The following RSL1D1 variants were observed in gnomAD, a reference collection of about 807,000 sequenced individuals.
RSL1D1 encodes the protein ribosomal L1 domain containing 1.
In RSL1D1, 34 loss-of-function variants were observed where a neutral mutation model predicts 44.6. The observed-to-expected ratio is 0.76, with a 90% confidence interval of 0.58 to 1.02. The LOEUF (loss-of-function observed/expected upper bound fraction) is 1.02, where lower values mean the gene tolerates loss of function less well. Among genes scored for constraint, RSL1D1 ranks in the 50% least tolerant of loss-of-function variants. The probability of loss-of-function intolerance (pLI) is 0.00; values close to 1 mark genes in which losing one functional copy is unlikely to be tolerated. For synonymous variants in RSL1D1, 271 were observed against 207.4 expected (o/e 1.31, Z -2.63); for missense variants, 767 against 568.1 (o/e 1.35, Z -3.56).
chr16:11,846,400 A>C (rs1229629194), intron 5 of RSL1D1, 101 bp downstream of exon 5: 15 of 713,328 alleles, frequency 2.1e-5, no homozygotes, highest in East Asian at 8.4e-5. Flanking sequence ...ATCTCAAAAA[A>C]AAAAAACAAA....
chr16:11,840,005 A>G lies in RSL1D1; in HGVS notation c.856-20T>C. ...TGCCTCCTACCAAAAAACACCATAC[A>G]AACATTTTAGCAGGAACAGTTCTGT... On this transcript the variant is annotated intron_variant, in intron 7 of 8. Transcript: ENST00000571133. 1 of 1,607,400 alleles carries G rather than the reference A, an allele frequency of 6.2e-7. No homozygotes were observed. Among genetic ancestry groups the G allele is most frequent in the Non-Finnish European group, 8.5e-7 (1 of 1,177,704 alleles).
rs2053701594 is a variant in RSL1D1 at position 11,834,104 on chromosome 16, G to C, written c.*3683C>G. The C allele has an allele frequency of 1.3e-5, 2 of 152,208 alleles. No homozygotes were observed. The highest frequency in any genetic ancestry group is 4.2e-4 in the South Asian group (2 of 4,802). The allele number at this position is 152,208 out of a possible 1,614,324, so 9.4% of individuals were successfully genotyped here. On this transcript the variant is annotated 3_prime_UTR_variant, in exon 9 of 9. Transcript: ENST00000571133. ...TTCGCCCTCCTCTTGGCCCCCGGGG[G>C]AGACTACTGTTGGCTCCTAGCACTA... is the stretch of plus-strand genomic sequence containing the variant.
chr16:11,834,161 C>G lies in RSL1D1; in HGVS notation c.*3626G>C, dbSNP rs996307107. On this transcript the variant is annotated 3_prime_UTR_variant, in exon 9 of 9. Coordinates refer to ENST00000571133, the MANE Select transcript of RSL1D1 (RefSeq NM_015659.3). The stretch of plus-strand genomic sequence containing the variant: ...GGCTAGGAATGTGTATGCAACACTT[C>G]TGAAGCCTTGGAAACATAGTACAGA... The G allele has an allele frequency of 6.6e-6, 1 of 152,116 alleles. No individual in the cohort carries two copies. The highest frequency in any genetic ancestry group is 2.1e-4 in the South Asian group (1 of 4,830). 9.4% of individuals were successfully genotyped at this position (152,116 alleles called of 1,614,324 possible).
chr16:11,844,048 A>G (rs571374895), intron 5 of RSL1D1, among the ~76,000 whole-genome samples: 1 of 152,238 alleles, frequency 6.6e-6, no homozygotes, highest in South Asian at 2.1e-4. Flanking sequence ...AGGAAGGCTC[A>G]CTGTCGGCAC....
Position 11,847,684 on chromosome 16 carries a change from AT to A in RSL1D1, c.367del (p.Ile123LeufsTer13). On this transcript the variant is annotated frameshift_variant, in exon 3 of 9. Transcript: ENST00000571133. LOFTEE classifies it high-confidence loss of function. Reference protein sequence around the residue: ...FYRKLLNKHGIKTVSQIISLQ... With the variant: ...FYRKLLNKHGXKTVSQIISLQ... ...GCTTCCTACCTGAGAAACGGTTTTAATTCCATGCTTGTTTAAAAGCTTTCTA... is the reference window on the plus strand; with the variant it reads ...GCTTCCTACCTGAGAAACGGTTTTAATCCATGCTTGTTTAAAAGCTTTCTA... 1 of 1,611,202 alleles carries A rather than the reference AT, an allele frequency of 6.2e-7. No homozygotes were observed.
intron 8 of RSL1D1, among the ~76,000 whole-genome samples, chr16:11,838,656 AGAG>A (rs2053739335): frequency 6.6e-6 from 1 of 151,628 alleles, no homozygotes; most frequent in Non-Finnish European, 1.5e-5. Context: ...CAGGAGTTCA[AGAG>A]TAGCCTGGCC....
Position 11,835,814 on chromosome 16 carries a change from G to A in RSL1D1, c.*1973C>T, listed in dbSNP as rs1469075516. The A allele has an allele frequency of 6.6e-6, 1 of 152,274 alleles. No homozygotes were observed. Among genetic ancestry groups the A allele is most frequent in the East Asian group, 1.9e-4 (1 of 5,204 alleles). 9.4% of individuals were successfully genotyped at this position (152,274 alleles called of 1,614,324 possible). On this transcript the variant is annotated 3_prime_UTR_variant, in exon 9 of 9. Coordinates refer to ENST00000571133, the MANE Select transcript of RSL1D1 (RefSeq NM_015659.3). ...GGCAGGGCTTGCATTCTGACATAATGTAAAAGAGTCTTGGAATATGTCCAG... is the reference window on the plus strand; with the variant it reads ...GGCAGGGCTTGCATTCTGACATAATATAAAAGAGTCTTGGAATATGTCCAG...
rs1304524325 is a variant in RSL1D1, at chr16:11,835,872, GA to G, written c.*1914del. 2 of 152,182 alleles carry G rather than the reference GA, an allele frequency of 1.3e-5. No individual in the cohort carries two copies. Among genetic ancestry groups the G allele is most frequent in the Admixed American group, 1.3e-4 (2 of 15,246 alleles). 9.4% of individuals were successfully genotyped at this position (152,182 alleles called of 1,614,324 possible). The stretch of plus-strand genomic sequence containing the variant: ...GGTCTAAAACCCCTTGTGGTCTTTG[GA>G]ACACCAAGCTCTGTGCTAAAGGGTG... On this transcript the variant is annotated 3_prime_UTR_variant, in exon 9 of 9. Transcript: ENST00000571133.
rs560024314 is a variant in RSL1D1, at chr16:11,837,983, T to C, written c.1277A>G (p.Lys426Arg). The C allele has an allele frequency of 6.2e-6, 10 of 1,614,134 alleles. No homozygotes were observed. In the Admixed American group the frequency reaches 1.0e-4, roughly 16 times the overall value. ...GATTTTTGGCTTCTTCTCTGGGCTT[T>C]TCCCTGGGGTCTCAGACTCTGCAGC... ...PKAAESETPG[K>R]SPEKKPKIKE... The change falls in exon 9 of 9, where the codon AAA becomes AGA. Residue 426 changes from lysine to arginine, a missense_variant. Transcript: ENST00000571133.
rs2053731167 is a variant in RSL1D1, at chr16:11,837,620, G to C, written c.*167C>G. 10 of 620,952 alleles carry C rather than the reference G, an allele frequency of 1.6e-5. No individual in the cohort carries two copies. Among genetic ancestry groups the C allele is most frequent in the Non-Finnish European group, 2.5e-5 (9 of 357,330 alleles). 38.5% of individuals were successfully genotyped at this position (620,952 alleles called of 1,614,324 possible). ...CTGCCTCGGCCTCCCAAAGTGCTGG[G>C]ATTACAGGCGTGAGCCACCGCCCCT... On this transcript the variant is annotated 3_prime_UTR_variant, in exon 9 of 9. Transcript: ENST00000571133.
intron 5 of RSL1D1, among the ~76,000 whole-genome samples, chr16:11,843,808 T>G (rs1206648557): frequency 2.9e-5 from 4 of 137,510 alleles, no homozygotes; most frequent in Admixed American, 8.6e-5. Flanking sequence ...CAGGCGGAGC[T>G]TGCAGTGAGC....
chr16:11,839,302 G>T (rs2053745519), intron 8 of RSL1D1, among the ~76,000 whole-genome samples: 1 of 151,176 alleles, frequency 6.6e-6, no homozygotes, highest in South Asian at 2.1e-4. Context: ...GGAGGCGGAG[G>T]TTGCAGTGAG....
In RSL1D1 at chr16:11,850,298, T is replaced by C. The variant is rs1243801550; in HGVS notation, c.226A>G (p.Lys76Glu). Residue 76 changes from lysine (K) to glutamate (E), a missense_variant, in exon 2 of 9, where the codon AAA becomes GAA. Coordinates refer to ENST00000571133, the MANE Select transcript of RSL1D1 (RefSeq NM_015659.3). ...ACTTACAATCTGACCCTCAGTTCTT[T>C]ACTTGGAATTTTCCATAATACCACC... ...LMVVLWKIPS[K>E]ELRVRLTLPH... 1 of 1,585,418 alleles carries C rather than the reference T, an allele frequency of 6.3e-7. No individual in the cohort carries two copies. The highest frequency in any genetic ancestry group is 8.5e-7 in the Non-Finnish European group (1 of 1,172,618).
Position 11,838,082 on chromosome 16 carries a change from G to C in RSL1D1, c.1178C>G (p.Pro393Arg). 6.3e-7 allele frequency: 1 copy of C among 1,585,036 alleles called. No homozygotes were observed. Among genetic ancestry groups the C allele is most frequent in the East Asian group, 2.2e-5 (1 of 44,746 alleles). ...IQKHATGKKS[P>R]AKSPNPSTPR... ...TGTGCTGGGATTAGGACTCTTTGCTGGAGACTTCTTTCCTGTGGCATGTTT... is the reference window on the plus strand; with the variant it reads ...TGTGCTGGGATTAGGACTCTTTGCTCGAGACTTCTTTCCTGTGGCATGTTT... The change falls in exon 9 of 9, where the codon CCA becomes CGA. Residue 393 changes from proline (P) to arginine (R), a missense_variant. Pro to Arg is a moderately radical substitution (Grantham distance 103). Transcript: ENST00000571133.
At chr16:11,845,527 T>G (rs1403194186) in intron 5 of RSL1D1, among the ~76,000 whole-genome samples, 1 of 152,182 alleles carries the variant, frequency 6.6e-6, no homozygotes, top group African/African-American at 2.4e-5. Context: ...CCCCGTCCAA[T>G]GCAGTGACCA....
At chr16:11,840,640 CA>C (rs1351497807) in intron 7 of RSL1D1, among the ~76,000 whole-genome samples, 1 of 152,164 alleles carries the variant, frequency 6.6e-6, no homozygotes, top group Non-Finnish European at 1.5e-5. Context: ...ATCAGTCTAA[CA>C]AATAGCAAAA....
In RSL1D1 at chr16:11,851,272, G is replaced by A. The variant is rs1596444112; in HGVS notation, c.105+136C>T. On this transcript the variant is annotated intron_variant, in intron 1 of 8. Transcript: ENST00000571133. ...ACGTGTGTAAAGGGGAGAGACAGCT[G>A]AGGCACACGGCCCGCCAGCGACCGT... 7.4e-6 allele frequency: 6 copies of A among 810,330 alleles called. No individual in the cohort carries two copies. The East Asian group carries it at 1.5e-4, about 21-fold the overall frequency. 50.2% of individuals were successfully genotyped at this position (810,330 alleles called of 1,614,324 possible). A position where few individuals can be genotyped will look rare whatever the true frequency, so the allele number is the denominator to read the frequency against.
rs1263256818 is a variant in RSL1D1, at chr16:11,846,863, A to G, written c.385-20T>C. ...GATAATCTAGGAAGTATAGAGAAGAATAAAAACAAGAAGTTAGGAATCTAA... is the reference window on the plus strand; with the variant it reads ...GATAATCTAGGAAGTATAGAGAAGAGTAAAAACAAGAAGTTAGGAATCTAA... On this transcript the variant is annotated intron_variant, in intron 3 of 8. Transcript: ENST00000571133. 2.5e-6 allele frequency: 4 copies of G among 1,570,586 alleles called. No homozygotes were observed. The highest frequency in any genetic ancestry group is 3.5e-6 in the Non-Finnish European group (4 of 1,150,300).
chr16:11,843,025 G>A (rs1234954292), intron 5 of RSL1D1, among the ~76,000 whole-genome samples: 4 of 147,446 alleles, frequency 2.7e-5, no homozygotes, highest in Admixed American at 6.8e-5. Flanking sequence ...GGGTTCAAGC[G>A]ATTCTCCTGC....
Sources: gnomAD v4.1 joint callset for allele counts (sites outside exome capture counted in the v4.1 genomes callset) on GRCh38, gnomAD v4.1.1 for gene constraint, MANE v1.5 for transcripts, NCBI Gene and HGNC (gene_info 2026-07-23, HGNC 2026-07-21) for gene names.